The following CTNNA3 variants were observed in gnomAD, a reference collection of about 807,000 sequenced individuals.
CTNNA3 encodes catenin alpha 3.
A neutral mutation model predicts 95.7 loss-of-function variants in CTNNA3; 76 were observed. That is an observed-to-expected ratio of 0.79 (90% CI 0.66 to 0.96). The LOEUF is 0.96. CTNNA3 is among the 40% of genes least tolerant of loss of function. The pLI is 0.00. For synonymous variants in CTNNA3, 431 were observed against 374.4 expected, an observed-to-expected ratio of 1.15 and a Z score of -1.74; for missense variants, 1,191 against 1,089.8, an observed-to-expected ratio of 1.09 and a Z score of -1.31.
At chr10:65,931,680 C>A (rs1431885654) in intron 17 of CTNNA3, among the ~76,000 whole-genome samples, 3 of 152,220 alleles carry the variant, frequency 2.0e-5, no homozygotes, top group Non-Finnish European at 4.4e-5. Flanking sequence ...TTAAAGAGTT[C>A]TGTTCCTGAA....
chr10:66,355,667 T>A (rs928474991), intron 12 of CTNNA3, among the ~76,000 whole-genome samples: 4 of 152,088 alleles, frequency 2.6e-5, no homozygotes, highest in African/African-American at 9.7e-5. Context: ...CCCACTCTAT[T>A]ATGACTTTTC....
At chr10:66,834,233 C>T (rs10762112) in intron 7 of CTNNA3, among the ~76,000 whole-genome samples, 36,615 of 152,038 alleles carry the variant, frequency 0.24, 4,901 homozygotes, top group East Asian at 0.4. Flanking sequence ...AGTAGATAAT[C>T]AGATGCTGTT....
At chr10:67,280,844 A>G (rs1305540912) in intron 5 of CTNNA3, among the ~76,000 whole-genome samples, 1 of 152,074 alleles carries the variant, frequency 6.6e-6, no homozygotes, top group African/African-American at 2.4e-5. Flanking sequence ...ATAAGCTTCA[A>G]CTGTCTGTCT....
chr10:67,478,490 A>G (rs1197876578), intron 5 of CTNNA3, among the ~76,000 whole-genome samples: 1 of 152,160 alleles, frequency 6.6e-6, no homozygotes, highest in East Asian at 1.9e-4. Flanking sequence ...CAGCATTCTA[A>G]AAAGAAATTT....
chr10:66,104,888 G>A (rs998022940), intron 13 of CTNNA3, among the ~76,000 whole-genome samples: 2 of 152,068 alleles, frequency 1.3e-5, no homozygotes, highest in African/African-American at 4.8e-5. Flanking sequence ...TTCATCCCTT[G>A]GGAGCACTCC....
chr10:67,077,719 TATG>T, intron 7 of CTNNA3, among the ~76,000 whole-genome samples: 2 of 152,296 alleles, frequency 1.3e-5, no homozygotes, highest in Middle Eastern at 6.8e-3. Flanking sequence ...TGTATCCCCT[TATG>T]ATAATATCTA....
intron 9 of CTNNA3, among the ~76,000 whole-genome samples, chr10:66,622,456 A>G (rs541263481): frequency 6.6e-5 from 10 of 152,234 alleles, no homozygotes; most frequent in African/African-American, 2.4e-4. Context: ...CATTATGTCC[A>G]TGACCTAAAT....
chr10:66,247,705 T>C (rs2090393440), intron 13 of CTNNA3, among the ~76,000 whole-genome samples: 1 of 152,168 alleles, frequency 6.6e-6, no homozygotes, highest in African/African-American at 2.4e-5. Context: ...TTTAAAGTGT[T>C]GAAGGAAAAA....
chr10:66,813,140 T>C (rs974956775), intron 7 of CTNNA3, among the ~76,000 whole-genome samples: 1 of 152,170 alleles, frequency 6.6e-6, no homozygotes, highest in African/African-American at 2.4e-5. Flanking sequence ...TACATCATGT[T>C]CAGAGTTTTG....
At chr10:66,640,910 C>T (rs796805059) in intron 9 of CTNNA3, among the ~76,000 whole-genome samples, 29 of 152,170 alleles carry the variant, frequency 1.9e-4, no homozygotes, top group African/African-American at 6.3e-4. Flanking sequence ...TCCTTGGAAA[C>T]ATCATTGAGC....
At chr10:66,747,365 A>C (rs1253192254) in intron 9 of CTNNA3, among the ~76,000 whole-genome samples, 1 of 152,216 alleles carries the variant, frequency 6.6e-6, no homozygotes, top group Non-Finnish European at 1.5e-5. Context: ...CACACTTGTG[A>C]GTAGGAAGTC....
At chr10:66,776,072 T>A (rs1049445665) in intron 7 of CTNNA3, among the ~76,000 whole-genome samples, 1 of 152,236 alleles carries the variant, frequency 6.6e-6, no homozygotes, top group African/African-American at 2.4e-5. Flanking sequence ...ACGCTGTTTT[T>A]GGCTCTTTAA....
chr10:66,395,057 A>G (rs945676170), intron 11 of CTNNA3, among the ~76,000 whole-genome samples: 5 of 152,058 alleles, frequency 3.3e-5, no homozygotes, highest in African/African-American at 1.2e-4. Context: ...CAGCTCAATT[A>G]TCTTTACTAC....
At chr10:66,290,038 A>T (rs1168703598) in intron 12 of CTNNA3, among the ~76,000 whole-genome samples, 1 of 152,086 alleles carries the variant, frequency 6.6e-6, no homozygotes, top group Non-Finnish European at 1.5e-5. Flanking sequence ...AATAAATGGA[A>T]GAATGAGAGG....
chr10:67,042,012 G>C (rs754164468), intron 7 of CTNNA3, among the ~76,000 whole-genome samples: 2 of 152,242 alleles, frequency 1.3e-5, no homozygotes, highest in South Asian at 4.2e-4. Flanking sequence ...CTTAAAGTAC[G>C]TGTGAAGGGA....
intron 7 of CTNNA3, among the ~76,000 whole-genome samples, chr10:66,973,875 G>A (rs1849871284): frequency 6.6e-6 from 1 of 152,008 alleles, no homozygotes; most frequent in Non-Finnish European, 1.5e-5. Context: ...ATCCCCCTCG[G>A]CCTCCCAAAG....
intron 1 of CTNNA3, among the ~76,000 whole-genome samples, chr10:67,726,439 A>T (rs868493036): frequency 9.4e-5 from 5 of 53,164 alleles, no homozygotes; most frequent in South Asian, 6.8e-4. Flanking sequence ...TATCATATAT[A>T]ATATATAATA....
At chr10:66,111,043 C>T (rs947797786) in intron 13 of CTNNA3, among the ~76,000 whole-genome samples, 2 of 152,082 alleles carry the variant, frequency 1.3e-5, no homozygotes, top group African/African-American at 4.8e-5. Flanking sequence ...GCTATGGCAT[C>T]TAATATGGTT....
At chr10:66,320,572 G>A (rs897837668) in intron 12 of CTNNA3, among the ~76,000 whole-genome samples, 1 of 152,068 alleles carries the variant, frequency 6.6e-6, no homozygotes, top group East Asian at 1.9e-4. Context: ...ATGACACATT[G>A]ACAGGTTGGC....
Sources: allele counts gnomAD v4.1 joint callset (sites outside exome capture counted in the v4.1 genomes callset), GRCh38; gene constraint gnomAD v4.1.1; transcripts MANE v1.5; gene names NCBI Gene and HGNC (gene_info 2026-07-23, HGNC 2026-07-21).